USP6NL: variants seen among roughly 807,000 people sequenced by gnomAD.
USP6NL encodes USP6 N-terminal-like protein.
Under a neutral mutation model 61.9 loss-of-function variants are expected in USP6NL, and 26 were observed. The observed-to-expected ratio is 0.42, with a 90% CI of 0.31 to 0.58. The LOEUF (loss-of-function observed/expected upper bound fraction) is 0.58, where lower values mean the gene tolerates loss of function less well. Ranked by LOEUF, USP6NL falls within the 20% of genes least tolerant of loss-of-function variation. The pLI is 0.16. For synonymous variants in USP6NL, 432 were observed against 390.1 expected (o/e 1.11, Z -1.27); for missense variants, 1,114 against 1,034.3 (o/e 1.08, Z -1.06).
In USP6NL at chr10:11,520,197, A is replaced by C. The variant is rs1252730346; in HGVS notation, c.156-1623T>G. ...GATCATGCAGGAGTATATGAAGAAA[A>C]GGGACGGAGGCTGAGAAAACGATTC... On this transcript the variant is annotated intron_variant, in intron 4 of 14. Coordinates refer to ENST00000609104, the MANE Select transcript of USP6NL (RefSeq NM_014688.5). The surrounding 1 kb of genome is among the most constrained non-coding windows in gnomAD (Gnocchi z 5.2). Among the ~76,000 whole-genome samples the C allele has an allele frequency of 6.6e-6, 1 of 152,224 alleles. No individual in the cohort carries two copies. The highest frequency in any genetic ancestry group is 2.4e-5 in the African/African-American group (1 of 41,460).
At chr10:11,486,144 T>C (rs899375928) in intron 10 of USP6NL, among the ~76,000 whole-genome samples, 5 of 133,186 alleles carry the variant, frequency 3.8e-5, no homozygotes, top group Admixed American at 7.7e-5. Context: ...ATTTTTGAAT[T>C]TAAAGGGAAA....
At chr10:11,577,966 G>A (rs1275372081) in intron 2 of USP6NL, among the ~76,000 whole-genome samples, 20 of 147,684 alleles carry the variant, frequency 1.4e-4, no homozygotes, top group Admixed American at 1.1e-3. Flanking sequence ...TACAGGTGAT[G>A]TTATTTTCTT....
At position 11,598,097 on chromosome 10, in the gene USP6NL, T is replaced by C. The variant is rs1838388976; in HGVS notation, c.-83-380A>G. Among the ~76,000 whole-genome samples, 1 of 152,190 alleles carries C rather than the reference T, an allele frequency of 6.6e-6. No homozygotes were observed. The highest frequency in any genetic ancestry group is 2.1e-4 in the South Asian group (1 of 4,828). On this transcript the variant is annotated intron_variant, in intron 1 of 14. Transcript: ENST00000609104. The surrounding 1 kb of genome is among the most constrained non-coding windows in gnomAD (Gnocchi z 4.7). ...CCACATCATCCCTGCTGAGTATATT[T>C]TGACTGCACATAAATGATTAATGTA...
intron 5 of USP6NL, among the ~76,000 whole-genome samples, chr10:11,516,311 G>A (rs527950212): frequency 2.0e-4 from 31 of 152,174 alleles, no homozygotes; most frequent in Non-Finnish European, 2.8e-4. Flanking sequence ...TTCCCCAATG[G>A]AAATAAGAGC....
intron 4 of USP6NL, among the ~76,000 whole-genome samples, chr10:11,522,586 T>C (rs1835255710): frequency 6.6e-6 from 1 of 152,248 alleles, no homozygotes; most frequent in African/African-American, 2.4e-5. Flanking sequence ...CTTCATTATG[T>C]TCATCTGTGT....
chr10:11,610,464 A>G (rs1838851206), intron 1 of USP6NL, among the ~76,000 whole-genome samples: 1 of 152,178 alleles, frequency 6.6e-6, no homozygotes, highest in Non-Finnish European at 1.5e-5. Flanking sequence ...TATAGGAGGG[A>G]GTTGGCCAGG....
intron 6 of USP6NL, among the ~76,000 whole-genome samples, chr10:11,502,469 C>T (rs536703239): frequency 2.0e-5 from 3 of 151,980 alleles, no homozygotes; most frequent in African/African-American, 4.8e-5. Context: ...AATAAATGTC[C>T]AAACAGGGAA....
chr10:11,610,671 G>T (rs1001511904), intron 1 of USP6NL, among the ~76,000 whole-genome samples: 1 of 149,768 alleles, frequency 6.7e-6, no homozygotes. Context: ...CACTGGGTAC[G>T]GCCCTAATTC....
At chr10:11,505,566 T>C (rs1288505184) in intron 6 of USP6NL, among the ~76,000 whole-genome samples, 1 of 152,166 alleles carries the variant, frequency 6.6e-6, no homozygotes, top group African/African-American at 2.4e-5. Flanking sequence ...GTATTCCAAT[T>C]TGAAAAGTAT....
rs1221742659 is a variant in USP6NL, at chr10:11,482,352, C to G, written c.926-430G>C. 1.3e-5 allele frequency among the ~76,000 whole-genome samples: 2 copies of G among 152,204 alleles called. No individual in the cohort carries two copies. Among genetic ancestry groups the G allele is most frequent in the African/African-American group, 4.8e-5 (2 of 41,446 alleles). On this transcript the variant is annotated intron_variant, in intron 13 of 14. Coordinates refer to ENST00000609104, the MANE Select transcript of USP6NL (RefSeq NM_014688.5). The surrounding 1 kb of genome is among the most constrained non-coding windows in gnomAD (Gnocchi z 4.0). ...ACTGTTTCAGAATTTCCCAGAACAT[C>G]TGGATTATTAATTTTGTGAGTTTTA...
chr10:11,482,620 T>C lies in USP6NL; in HGVS notation c.926-698A>G, dbSNP rs1833246751. 6.6e-6 allele frequency among the ~76,000 whole-genome samples: 1 copy of C among 152,240 alleles called. No individual in the cohort carries two copies. The highest frequency in any genetic ancestry group is 2.4e-5 in the African/African-American group (1 of 41,464). Reference sequence around the variant, plus strand: ...CCCATTCACTAATGTATCACTGATATCTCTCATTTCAACAAATATGATGTG... The same window carrying C: ...CCCATTCACTAATGTATCACTGATACCTCTCATTTCAACAAATATGATGTG... On this transcript the variant is annotated intron_variant, in intron 13 of 14. Coordinates refer to ENST00000609104, the MANE Select transcript of USP6NL (RefSeq NM_014688.5). This position sits in a 1 kb window ranked among gnomAD's most constrained non-coding sequence, Gnocchi z 4.0.
rs4147002 is a variant in USP6NL at position 11,495,917 on chromosome 10, C to A, written c.385-2689G>T. ...CTGACTGTGATCCTGCTCGTGGAGG[C>A]ATGTGGCCAAGCAGTTGGACTGGGG... On this transcript the variant is annotated intron_variant, in intron 7 of 14. Transcript: ENST00000609104. The surrounding 1 kb of genome is among the most constrained non-coding windows in gnomAD (Gnocchi z 4.6). 1.4e-3 allele frequency among the ~76,000 whole-genome samples: 220 copies of A among 152,204 alleles called. No individual in the cohort carries two copies. The highest frequency in any genetic ancestry group is 5.1e-3 in the African/African-American group (211 of 41,530).
Position 11,589,361 on chromosome 10 carries a change from C to G in USP6NL, c.4+8270G>C, listed in dbSNP as rs1287469203. Among the ~76,000 whole-genome samples, 1 of 152,166 alleles carries G rather than the reference C, an allele frequency of 6.6e-6. No homozygotes were observed. The highest frequency in any genetic ancestry group is 6.5e-5 in the Admixed American group (1 of 15,270). On this transcript the variant is annotated intron_variant, in intron 2 of 14. Coordinates refer to ENST00000609104, the MANE Select transcript of USP6NL (RefSeq NM_014688.5). The surrounding 1 kb of genome is among the most constrained non-coding windows in gnomAD (Gnocchi z 4.7). ...TGTCAAAAGTAAACAGTTTGCAATG[C>G]TCTTCCAACACTGGTAATAGCTGGT...
At position 11,553,667 on chromosome 10, in the gene USP6NL, G is replaced by T. The variant is rs1277751857; in HGVS notation, c.5-26100C>A. Among the ~76,000 whole-genome samples, 1 of 152,038 alleles carries T rather than the reference G, an allele frequency of 6.6e-6. No homozygotes were observed. Among genetic ancestry groups the T allele is most frequent in the African/African-American group, 2.4e-5 (1 of 41,396 alleles). ...CCCGGTACGTTGGAAGGCTGAGGTG[G>T]GTGGATTATCTGAGGTCAGGAGTTA... On this transcript the variant is annotated intron_variant, in intron 2 of 14. Coordinates refer to ENST00000609104, the MANE Select transcript of USP6NL (RefSeq NM_014688.5). The surrounding 1 kb of genome is among the most constrained non-coding windows in gnomAD (Gnocchi z 4.8).
Position 11,518,288 on chromosome 10 carries a change from A to T in USP6NL, c.195+247T>A, listed in dbSNP as rs1591877205. 6.6e-6 allele frequency among the ~76,000 whole-genome samples: 1 copy of T among 152,288 alleles called. No individual in the cohort carries two copies. The highest frequency in any genetic ancestry group is 2.1e-4 in the South Asian group (1 of 4,830). ...TCTCAAAGCCTCTCTGTTCTGAAGC[A>T]CGCCTAGCTCAGGACCTGCCAGTCT... is the stretch of plus-strand genomic sequence containing the variant. On this transcript the variant is annotated intron_variant, in intron 5 of 14. Coordinates refer to ENST00000609104, the MANE Select transcript of USP6NL (RefSeq NM_014688.5). The surrounding 1 kb of genome is among the most constrained non-coding windows in gnomAD (Gnocchi z 5.3).
rs1014985433 is a variant in USP6NL, at chr10:11,490,648, A to T, written c.543+184T>A. Among the ~76,000 whole-genome samples, 1 of 152,238 alleles carries T rather than the reference A, an allele frequency of 6.6e-6. No individual in the cohort carries two copies. Among genetic ancestry groups the T allele is most frequent in the Non-Finnish European group, 1.5e-5 (1 of 68,042 alleles). ...TCATATTTAGGTTCTTCCACTTCAG[A>T]ATCAGCTCTGTTCTAAGGCCCTAGG... On this transcript the variant is annotated intron_variant, in intron 9 of 14. Coordinates refer to ENST00000609104, the MANE Select transcript of USP6NL (RefSeq NM_014688.5). This position sits in a 1 kb window ranked among gnomAD's most constrained non-coding sequence, Gnocchi z 4.5.
intron 2 of USP6NL, among the ~76,000 whole-genome samples, chr10:11,549,820 ATTAG>A (rs1376172846): frequency 8.5e-5 from 13 of 152,228 alleles, no homozygotes. Context: ...GTACTTCTTT[ATTAG>A]TTAGAATTAG....
At chr10:11,593,342 C>T (rs1259023972) in intron 2 of USP6NL, among the ~76,000 whole-genome samples, 4 of 152,006 alleles carry the variant, frequency 2.6e-5, no homozygotes, top group African/African-American at 9.7e-5. Context: ...GGTGTTTTCA[C>T]TTAGTTTTTT....
chr10:11,494,784 A>C (rs1277962601), intron 7 of USP6NL, among the ~76,000 whole-genome samples: 1 of 152,056 alleles, frequency 6.6e-6, no homozygotes, highest in East Asian at 1.9e-4. Context: ...CTTATTAGAG[A>C]CTTTTAGTAC....
Sources: allele counts gnomAD v4.1 joint callset (sites outside exome capture counted in the v4.1 genomes callset), GRCh38; gene constraint gnomAD v4.1.1; non-coding constraint Gnocchi (gnomAD v3.1); transcripts MANE v1.5; gene names NCBI Gene and HGNC (gene_info 2026-07-23, HGNC 2026-07-21).